ADGRL3: variants seen among roughly 807,000 people sequenced by gnomAD.
ADGRL3 encodes the protein calcium-independent alpha-latrotoxin receptor 3.
Under a neutral mutation model 153.5 loss-of-function variants are expected in ADGRL3, and 62 were observed. The observed-to-expected ratio is 0.40, with a 90% CI of 0.33 to 0.50. ADGRL3 has a LOEUF of 0.50. Among genes scored for constraint, ADGRL3 ranks in the 20% least tolerant of loss-of-function variants. The pLI, the probability that ADGRL3 is intolerant of heterozygous loss-of-function variation, is 0.47. For synonymous variants in ADGRL3, 710 were observed against 672.5 expected (o/e 1.06, Z -0.86); for missense variants, 1,641 against 1,859.4 (o/e 0.88, Z 2.16).
intron 4 of ADGRL3, among the ~76,000 whole-genome samples, chr4:61,528,692 G>A (rs541435730): frequency 6.6e-6 from 1 of 152,104 alleles, no homozygotes; most frequent in African/African-American, 2.4e-5. Context: ...GCAGATGGGG[G>A]TAGGTTTACA....
intron 9 of ADGRL3, among the ~76,000 whole-genome samples, chr4:61,876,067 A>G (rs565141774): frequency 3.4e-4 from 51 of 151,952 alleles, no homozygotes; most frequent in Admixed American, 6.6e-4. Context: ...TCATAATGCA[A>G]TTTTTAGGAG....
chr4:61,787,895 A>C (rs2097296176), intron 8 of ADGRL3, among the ~76,000 whole-genome samples: 1 of 149,822 alleles, frequency 6.7e-6, no homozygotes, highest in Non-Finnish European at 1.5e-5. Context: ...AGAGCACATA[A>C]ATTAAAACTG....
intron 9 of ADGRL3, among the ~76,000 whole-genome samples, chr4:61,823,077 C>A (rs2097770264): frequency 6.6e-6 from 1 of 152,132 alleles, no homozygotes; most frequent in African/African-American, 2.4e-5. Context: ...TGATCAGGCT[C>A]AGTTCTCTCA....
intron 25 of ADGRL3, among the ~76,000 whole-genome samples, chr4:62,051,154 A>G (rs1733915358): frequency 2.3e-5 from 2 of 86,270 alleles, no homozygotes; most frequent in Non-Finnish European, 4.5e-5. Context: ...TACACAAAGA[A>G]CGTGTGTGTG....
At chr4:61,291,001 T>C (rs1308447975) in intron 1 of ADGRL3, among the ~76,000 whole-genome samples, 3 of 152,098 alleles carry the variant, frequency 2.0e-5, no homozygotes, top group African/African-American at 7.2e-5. Context: ...TTGTGGTCAC[T>C]AGTGAAAATA....
intron 1 of ADGRL3, among the ~76,000 whole-genome samples, chr4:61,205,961 G>A (rs986966584): frequency 6.6e-6 from 1 of 152,150 alleles, no homozygotes; most frequent in African/African-American, 2.4e-5. Flanking sequence ...GAAACCAAGT[G>A]TAACTTTTTT....
chr4:61,939,036 A>T (rs2150196806), intron 15 of ADGRL3, among the ~76,000 whole-genome samples: 1 of 152,182 alleles, frequency 6.6e-6, no homozygotes, highest in South Asian at 2.1e-4. Flanking sequence ...TTTTTAAAGT[A>T]AAGGAAATAA....
chr4:61,810,783 A>G (rs543922639), intron 8 of ADGRL3, among the ~76,000 whole-genome samples: 12 of 152,102 alleles, frequency 7.9e-5, no homozygotes, highest in Admixed American at 3.3e-4. Flanking sequence ...AGGTTTTTTT[A>G]TGTGTTTTTC....
intron 5 of ADGRL3, among the ~76,000 whole-genome samples, chr4:61,613,097 T>G (rs76409183): frequency 0.014 from 2,194 of 152,208 alleles, 45 homozygotes; most frequent in African/African-American, 0.048. Context: ...TAATCATATC[T>G]TGTGCCTTAC....
At chr4:61,433,032 AT>A (rs1356239566) in intron 2 of ADGRL3, among the ~76,000 whole-genome samples, 1 of 151,410 alleles carries the variant, frequency 6.6e-6, no homozygotes, top group Non-Finnish European at 1.5e-5. Flanking sequence ...TAAAATTATT[AT>A]TTTTCTGCAT....
intron 5 of ADGRL3, among the ~76,000 whole-genome samples, chr4:61,669,935 A>G (rs1314635481): frequency 6.6e-6 from 1 of 152,214 alleles, no homozygotes; most frequent in Non-Finnish European, 1.5e-5. Context: ...TTCATGATCG[A>G]AGGGTTTATT....
At chr4:61,434,894 G>A (rs1483004493) in intron 2 of ADGRL3, among the ~76,000 whole-genome samples, 1 of 151,950 alleles carries the variant, frequency 6.6e-6, no homozygotes, top group Non-Finnish European at 1.5e-5. Context: ...GAAACAAAAT[G>A]GCTTTGCAAA....
chr4:61,221,092 C>A (rs1383458330), intron 1 of ADGRL3, among the ~76,000 whole-genome samples: 1 of 152,140 alleles, frequency 6.6e-6, no homozygotes, highest in East Asian at 1.9e-4. Flanking sequence ...CAAAGAATTA[C>A]TGTGACAGAG....
At chr4:61,289,958 T>C (rs1389183197) in intron 1 of ADGRL3, among the ~76,000 whole-genome samples, 1 of 152,142 alleles carries the variant, frequency 6.6e-6, no homozygotes. Context: ...AAGCACTTAG[T>C]AGCTCTTAGC....
chr4:62,026,164 T>TA (rs911502685), intron 21 of ADGRL3, among the ~76,000 whole-genome samples: 4 of 152,124 alleles, frequency 2.6e-5, no homozygotes, highest in Non-Finnish European at 5.9e-5. Flanking sequence ...CAAGCCACCG[T>TA]AAAAAAATTC....
Position 61,733,250 on chromosome 4 carries a change from C to A in ADGRL3, c.1095C>A (p.Ile365=), listed in dbSNP as rs771596347. The A allele has an allele frequency of 1.2e-6, 2 of 1,613,654 alleles. No individual in the cohort carries two copies. The highest frequency in any genetic ancestry group is 4.5e-5 in the East Asian group (2 of 44,866). Residue 365 remains isoleucine (I), a synonymous_variant, in exon 8 of 27, where the codon ATC becomes ATA. Transcript: ENST00000683033. The part of the protein sequence containing the change: ...ISQLNPYTLR[I]EGTWDTAYDK... ...AATTGAACCCTTACACCCTACGGAT[C>A]GAAGGAACATGGGATACTGCATATG...
chr4:61,849,487 T>C (rs1253586598), intron 9 of ADGRL3, among the ~76,000 whole-genome samples: 3 of 151,964 alleles, frequency 2.0e-5, no homozygotes, highest in Non-Finnish European at 4.4e-5. Context: ...TTTTTATATT[T>C]TTTTTTTGTG....
chr4:61,844,201 G>T (rs1340183688), intron 9 of ADGRL3, among the ~76,000 whole-genome samples: 1 of 151,628 alleles, frequency 6.6e-6, no homozygotes, highest in Admixed American at 6.6e-5. Context: ...GCTGCTAACA[G>T]TATAACAAAA....
intron 3 of ADGRL3, among the ~76,000 whole-genome samples, chr4:61,509,971 G>A (rs2098454467): frequency 6.6e-6 from 1 of 152,140 alleles, no homozygotes; most frequent in South Asian, 2.1e-4. Context: ...TGACTGGTGT[G>A]AGATGGTATC....
Sources: gnomAD v4.1 joint callset for allele counts (sites outside exome capture counted in the v4.1 genomes callset) on GRCh38, gnomAD v4.1.1 for gene constraint, MANE v1.5 for transcripts, NCBI Gene and HGNC (gene_info 2026-07-23, HGNC 2026-07-21) for gene names.